Variants in KIF13B observed in about 807,000 individuals in gnomAD.
KIF13B encodes the protein kinesin-like protein KIF13B.
KIF13B carries 127 observed loss-of-function variants against 222.0 expected under a neutral mutation model. That is an observed-to-expected ratio of 0.57 (90% confidence interval 0.50 to 0.66). KIF13B has a LOEUF of 0.66. Ranked by LOEUF, KIF13B falls within the 30% of genes least tolerant of loss-of-function variation. The pLI is 0.00. For synonymous variants in KIF13B, 976 were observed against 919.0 expected, an observed-to-expected ratio of 1.06 and a Z score of -1.12; for missense variants, 2,173 against 2,379.0, an observed-to-expected ratio of 0.91 and a Z score of 1.80.
chr8:29,095,592 C>A (rs1808484986), intron 36 of KIF13B, among the ~76,000 whole-genome samples: 1 of 151,990 alleles, frequency 6.6e-6, no homozygotes, highest in African/African-American at 2.4e-5. Flanking sequence ...CATGGAGAAA[C>A]CCCATCTCTA....
chr8:29,092,775 C>T lies in KIF13B; in HGVS notation c.4428G>A (p.Arg1476=). Residue 1476 remains arginine, a synonymous_variant, in exon 37 of 40, where the codon AGG becomes AGA. Transcript: ENST00000524189. ...GTGCGAGGGGAGACGGCCGCTTGCC[C>T]CTCTTCTCATCGCGGACGGGAAAGA... is the stretch of plus-strand genomic sequence containing the variant. The part of the protein sequence containing the change: ...KSLFPVRDEK[R]GKRPSPLAHQ... The T allele has an allele frequency of 1.2e-6, 2 of 1,613,416 alleles. No homozygotes were observed. The highest frequency in any genetic ancestry group is 1.7e-6 in the Non-Finnish European group (2 of 1,179,726).
intron 1 of KIF13B, among the ~76,000 whole-genome samples, chr8:29,249,430 T>TAAAA (rs770545452): frequency 5.1e-5 from 6 of 118,776 alleles, no homozygotes; most frequent in Non-Finnish European, 7.2e-5. Context: ...ACTCCGTCTT[T>TAAAA]AAAAAAAAAA....
intron 37 of KIF13B, among the ~76,000 whole-genome samples, chr8:29,090,988 G>T (rs1273698549): frequency 6.6e-6 from 1 of 151,988 alleles, no homozygotes; most frequent in Non-Finnish European, 1.5e-5. Context: ...TGAGGGCTGG[G>T]GTTATAGGTG....
In KIF13B at chr8:29,148,620, T is replaced by C. The variant is rs370999669; in HGVS notation, c.1770A>G (p.Glu590=). 108 of 1,612,636 alleles carry C rather than the reference T, an allele frequency of 6.7e-5. No individual in the cohort carries two copies. Among genetic ancestry groups the C allele is most frequent in the Non-Finnish European group, 8.9e-5 (105 of 1,179,380 alleles). The stretch of plus-strand genomic sequence containing the variant: ...TCATGGTGACCTCCATCTGTGCGTA[T>C]TCGTAATTAAAGTTAACTTCACTGG... ...EVSSEVNFNY[E]YAQMEVTMKA... is the part of the protein sequence containing the mutation. The change falls in exon 16 of 40, where the codon GAA becomes GAG. Residue 590 remains glutamate, a synonymous_variant. Transcript: ENST00000524189.
intron 22 of KIF13B, among the ~76,000 whole-genome samples, chr8:29,133,555 C>A (rs948883778): frequency 1.3e-5 from 2 of 152,182 alleles, no homozygotes; most frequent in African/African-American, 4.8e-5. Context: ...CGTGCCACTG[C>A]ACTCCAGCCT....
chr8:29,106,608 G>A (rs945858722), intron 35 of KIF13B, among the ~76,000 whole-genome samples: 1 of 135,184 alleles, frequency 7.4e-6, no homozygotes, highest in Admixed American at 8.4e-5. Context: ...CTCCAGCCTG[G>A]GCAACAAGAG....
rs370919995 is a variant in KIF13B at position 29,099,161 on chromosome 8, A to C, written c.4296T>G (p.Ser1432=). ...GATCTGGAGAATGGTTATTTTGGGG[A>C]GAAACAGAGAGGGCGGGGGCAGGAG... The part of the protein sequence containing the change: ...GIAPAPALSV[S]PQNNHSPDPG... The change falls in exon 36 of 40, where the codon TCT becomes TCG. Residue 1432 remains serine (S), a synonymous_variant. Transcript: ENST00000524189. 35 of 1,613,390 alleles carry C rather than the reference A, an allele frequency of 2.2e-5. No homozygotes were observed. Among genetic ancestry groups the C allele is most frequent in the Non-Finnish European group, 2.8e-5 (33 of 1,179,506 alleles).
intron 10 of KIF13B, among the ~76,000 whole-genome samples, chr8:29,169,290 C>G (rs1449830184): frequency 6.6e-6 from 1 of 152,168 alleles, no homozygotes. Flanking sequence ...GAGGTTAAAT[C>G]TTGCACTCTG....
chr8:29,205,474 TCA>T (rs1343276680), intron 2 of KIF13B, among the ~76,000 whole-genome samples: 1 of 151,914 alleles, frequency 6.6e-6, no homozygotes, highest in African/African-American at 2.4e-5. Flanking sequence ...AAACACCGAC[TCA>T]CAAATTCATA....
intron 6 of KIF13B, among the ~76,000 whole-genome samples, chr8:29,182,901 A>G (rs1812771096): frequency 6.6e-6 from 1 of 152,086 alleles, no homozygotes; most frequent in African/African-American, 2.4e-5. Flanking sequence ...AAAAATGGTA[A>G]GTGTGTGAGG....
chr8:29,162,230 T>A (rs961460128), intron 12 of KIF13B, among the ~76,000 whole-genome samples: 1 of 152,238 alleles, frequency 6.6e-6, no homozygotes. Context: ...CTAAGTCATT[T>A]AACTACAGCC....
intron 24 of KIF13B, among the ~76,000 whole-genome samples, chr8:29,128,575 C>T (rs978466369): frequency 2.6e-5 from 4 of 152,126 alleles, no homozygotes; most frequent in South Asian, 4.1e-4. Context: ...CAATTAGCTA[C>T]CTTTTATTTG....
Position 29,150,346 on chromosome 8 carries a change from G to A in KIF13B, c.1573C>T (p.Gln525Ter). 1 of 1,594,442 alleles carries A rather than the reference G, an allele frequency of 6.3e-7. No individual in the cohort carries two copies. The highest frequency in any genetic ancestry group is 8.6e-7 in the Non-Finnish European group (1 of 1,164,666). The part of the protein sequence containing the change: ...VNGSSVSSPI[Q>*]LHHGDRILWG... Reference sequence around the variant, plus strand: ...AATATCCTGTCCCCATGGTGTAGCTGTATTGGACTGGAGACAGATGACCCA... The same window carrying A: ...AATATCCTGTCCCCATGGTGTAGCTATATTGGACTGGAGACAGATGACCCA... Residue 525 changes from glutamine to a stop codon, truncating the protein, a stop_gained, in exon 15 of 40, where the codon CAG (glutamine) becomes TAG (stop). Transcript: ENST00000524189. LOFTEE classifies it high-confidence loss of function.
At chr8:29,174,631 C>T (rs974165120) in intron 10 of KIF13B, among the ~76,000 whole-genome samples, 5 of 152,098 alleles carry the variant, frequency 3.3e-5, no homozygotes, top group East Asian at 1.9e-4. Context: ...GGTTGTTTGA[C>T]GAACCTTTAC....
Position 29,071,655 on chromosome 8 carries a change from C to G in KIF13B, c.5183G>C (p.Gly1728Ala). ...GTCGAGCTCCACGCCGACCCACGTGCCCTCTTGGAAGTCGGCAGGCCCCAC... is the reference window on the plus strand; with the variant it reads ...GTCGAGCTCCACGCCGACCCACGTGGCCTCTTGGAAGTCGGCAGGCCCCAC... ...RYVGPADFQE[G>A]TWVGVELDLP... The change falls in exon 39 of 40, where the codon GGC becomes GCC. Residue 1728 changes from glycine to alanine, a missense_variant. Coordinates refer to ENST00000524189, the MANE Select transcript of KIF13B (RefSeq NM_015254.4). The surrounding 1 kb of genome is among the most constrained non-coding windows in gnomAD (Gnocchi z 4.9). The G allele has an allele frequency of 6.4e-7, 1 of 1,555,294 alleles. No homozygotes were observed. Among genetic ancestry groups the G allele is most frequent in the Non-Finnish European group, 8.7e-7 (1 of 1,149,942 alleles).
chr8:29,197,355 A>C lies in KIF13B; in HGVS notation c.150-1156T>G, dbSNP rs1042458820. The stretch of plus-strand genomic sequence containing the variant: ...CCGTCTCAAAAAAAAAAAAAAAAAA[A>C]AAAAAACTCAATATATACAGTCAAT... On this transcript the variant is annotated intron_variant, in intron 2 of 39. Transcript: ENST00000524189. Among the ~76,000 whole-genome samples, 3 of 150,054 alleles carry C rather than the reference A, an allele frequency of 2.0e-5. No individual in the cohort carries two copies. In the South Asian group the frequency reaches 6.3e-4, roughly 32 times the overall value.
At chr8:29,165,423 T>G (rs1811949967) in intron 12 of KIF13B, among the ~76,000 whole-genome samples, 1 of 152,240 alleles carries the variant, frequency 6.6e-6, no homozygotes, top group South Asian at 2.1e-4. Flanking sequence ...TAAATTTTTT[T>G]TAAAGATTAC....
Position 29,186,356 on chromosome 8 carries a change from T to C in KIF13B, c.433A>G (p.Lys145Glu). 1 of 1,613,850 alleles carries C rather than the reference T, an allele frequency of 6.2e-7. No individual in the cohort carries two copies. Among genetic ancestry groups the C allele is most frequent in the Non-Finnish European group, 8.5e-7 (1 of 1,179,718 alleles). Reference sequence around the variant, plus strand: ...ATTTCCATGTAGGACACTTCTACTTTAAAACTCTGTTCTTCATTTTCCTCT... The same window carrying C: ...ATTTCCATGTAGGACACTTCTACTTCAAAACTCTGTTCTTCATTTTCCTCT... Reference protein sequence around the residue: ...QKEENEEQSFKVEVSYMEIYN... With the variant: ...QKEENEEQSFEVEVSYMEIYN... Residue 145 changes from lysine to glutamate, a missense_variant, in exon 6 of 40, where the codon AAA becomes GAA. Coordinates refer to ENST00000524189, the MANE Select transcript of KIF13B (RefSeq NM_015254.4).
intron 14 of KIF13B, among the ~76,000 whole-genome samples, chr8:29,154,702 T>TG (rs1377496908): frequency 6.6e-6 from 1 of 152,176 alleles, no homozygotes; most frequent in African/African-American, 2.4e-5. Flanking sequence ...AACGATGACG[T>TG]GGCCTGCTCT....
Sources: allele counts gnomAD v4.1 joint callset (sites outside exome capture counted in the v4.1 genomes callset), GRCh38; gene constraint gnomAD v4.1.1; non-coding constraint Gnocchi (gnomAD v3.1); transcripts MANE v1.5; gene names NCBI Gene and HGNC (gene_info 2026-07-23, HGNC 2026-07-21).